AGBL4: variants seen among roughly 807,000 people sequenced by gnomAD.
AGBL4 encodes AGBL carboxypeptidase 4.
A neutral mutation model predicts 66.4 loss-of-function variants in AGBL4; 58 were observed. The ratio of observed to expected loss-of-function variants is 0.87; its 90% confidence interval spans 0.71 to 1.09. The LOEUF is 1.09. Among genes scored for constraint, AGBL4 ranks in the 50% least tolerant of loss-of-function variants. The pLI, the probability that AGBL4 is intolerant of heterozygous loss-of-function variation, is 0.00. For missense variants in AGBL4, 579 were observed against 631.0 expected (o/e 0.92, Z 0.88); for synonymous variants, 234 against 222.9 (o/e 1.05, Z -0.44).
chr1:49,984,685 C>T (rs1659353101), intron 1 of AGBL4, among the ~76,000 whole-genome samples: 1 of 152,184 alleles, frequency 6.6e-6, no homozygotes, highest in South Asian at 2.1e-4. Context: ...AAAGTCTCCT[C>T]TCCAAATTTA....
chr1:49,007,982 T>C (rs1662007923), intron 5 of AGBL4, among the ~76,000 whole-genome samples: 1 of 151,810 alleles, frequency 6.6e-6, no homozygotes, highest in African/African-American at 2.4e-5. Context: ...ACGAGCAAAA[T>C]AACCAGCTAA....
intron 1 of AGBL4, among the ~76,000 whole-genome samples, chr1:49,885,146 C>A (rs1437433917): frequency 6.6e-6 from 1 of 151,782 alleles, no homozygotes; most frequent in African/African-American, 2.4e-5. Flanking sequence ...ACCTCAGAAG[C>A]TAAAACACCT....
chr1:48,672,458 G>A (rs993604574), intron 6 of AGBL4, among the ~76,000 whole-genome samples: 2 of 152,218 alleles, frequency 1.3e-5, no homozygotes, highest in Non-Finnish European at 2.9e-5. Context: ...CACTCGAGGA[G>A]CCAACACAAC....
intron 6 of AGBL4, among the ~76,000 whole-genome samples, chr1:48,866,343 G>T (rs571425934): frequency 2.0e-5 from 3 of 152,124 alleles, no homozygotes; most frequent in Admixed American, 6.5e-5. Flanking sequence ...CAAACCTGCC[G>T]TATGACCACT....
At position 49,358,822 on chromosome 1, in the gene AGBL4, AAG is replaced by A. The variant is rs1644074601; in HGVS notation, c.283-112960_283-112959del. ...AATAGAGCTCTTAAAAATGAAGATG[AAG>A]AACCACATTTATTGACATGGAAAGA... On this transcript the variant is annotated intron_variant, in intron 3 of 13. Transcript: ENST00000371839. 9.2e-5 allele frequency among the ~76,000 whole-genome samples: 14 copies of A among 152,320 alleles called. No homozygotes were observed. The South Asian group carries it at 2.9e-3, about 32-fold the overall frequency.
intron 4 of AGBL4, among the ~76,000 whole-genome samples, chr1:49,105,554 G>A (rs1362481391): frequency 6.6e-6 from 1 of 152,118 alleles, no homozygotes; most frequent in Non-Finnish European, 1.5e-5. Context: ...TTATTCTTCA[G>A]GAAAAAATAT....
At chr1:49,593,138 G>T (rs1011193628) in intron 3 of AGBL4, among the ~76,000 whole-genome samples, 15 of 152,192 alleles carry the variant, frequency 9.9e-5, no homozygotes, top group Non-Finnish European at 1.5e-4. Flanking sequence ...GCTGGGCGCG[G>T]TGTCTCACGC....
intron 6 of AGBL4, among the ~76,000 whole-genome samples, chr1:48,792,940 T>TA (rs1276399814): frequency 6.6e-6 from 1 of 152,198 alleles, no homozygotes; most frequent in Non-Finnish European, 1.5e-5. Context: ...ACACTCCATA[T>TA]ATGTTCTCCT....
intron 4 of AGBL4, among the ~76,000 whole-genome samples, chr1:49,136,478 A>C (rs1004200781): frequency 1.3e-5 from 2 of 152,174 alleles, no homozygotes; most frequent in Non-Finnish European, 2.9e-5. Flanking sequence ...CATATTAAAT[A>C]ATTATATTTC....
intron 9 of AGBL4, among the ~76,000 whole-genome samples, chr1:48,616,535 A>G (rs1035332874): frequency 9.9e-5 from 15 of 152,238 alleles, no homozygotes; most frequent in Admixed American, 3.9e-4. Context: ...AACTCTATGT[A>G]TAAGGTTTAC....
At chr1:49,899,698 G>A (rs1003193709) in intron 1 of AGBL4, among the ~76,000 whole-genome samples, 2 of 152,100 alleles carry the variant, frequency 1.3e-5, no homozygotes, top group African/African-American at 2.4e-5. Flanking sequence ...GGGACTTACT[G>A]TGACTCCTGG....
At chr1:49,477,426 C>A (rs1048556811) in intron 3 of AGBL4, among the ~76,000 whole-genome samples, 4 of 152,096 alleles carry the variant, frequency 2.6e-5, no homozygotes, top group African/African-American at 9.7e-5. Context: ...AGAGTCTCTG[C>A]CTGGTAATCC....
chr1:49,543,584 G>C (rs897722111), intron 3 of AGBL4, among the ~76,000 whole-genome samples: 18 of 152,262 alleles, frequency 1.2e-4, no homozygotes, highest in Admixed American at 1.2e-3. Context: ...ATATCAGCAA[G>C]AGTGTTCTGA....
At chr1:48,747,458 C>A (rs899038973) in intron 6 of AGBL4, among the ~76,000 whole-genome samples, 2 of 152,216 alleles carry the variant, frequency 1.3e-5, no homozygotes, top group African/African-American at 2.4e-5. Context: ...GATCTAGGCT[C>A]TGCAAGAGGC....
chr1:49,273,243 C>T (rs1644097588), intron 3 of AGBL4, among the ~76,000 whole-genome samples: 1 of 151,994 alleles, frequency 6.6e-6, no homozygotes, highest in South Asian at 2.1e-4. Flanking sequence ...ATTAAAATTA[C>T]CCACTTCCTA....
At chr1:49,962,029 C>T (rs2148345229) in intron 1 of AGBL4, among the ~76,000 whole-genome samples, 1 of 152,214 alleles carries the variant, frequency 6.6e-6, no homozygotes, top group East Asian at 1.9e-4. Flanking sequence ...TGACTTTAGA[C>T]TAGATATTTG....
At chr1:49,620,402 T>G (rs539492312) in intron 3 of AGBL4, among the ~76,000 whole-genome samples, 1 of 151,990 alleles carries the variant, frequency 6.6e-6, no homozygotes, top group Non-Finnish European at 1.5e-5. Flanking sequence ...GAAATACATA[T>G]CAAAAGCACA....
intron 2 of AGBL4, among the ~76,000 whole-genome samples, chr1:49,757,967 C>T (rs1200681562): frequency 6.6e-6 from 1 of 152,106 alleles, no homozygotes; most frequent in African/African-American, 2.4e-5. Flanking sequence ...TCACAGCATC[C>T]CCTCCCTGTA....
intron 4 of AGBL4, among the ~76,000 whole-genome samples, chr1:49,096,978 A>G (rs1645117886): frequency 6.6e-6 from 1 of 152,178 alleles, no homozygotes; most frequent in Middle Eastern, 3.2e-3. Context: ...AATGAAAAGA[A>G]AAAAGACTCT....
Sources: allele counts gnomAD v4.1 joint callset (sites outside exome capture counted in the v4.1 genomes callset), GRCh38; gene constraint gnomAD v4.1.1; transcripts MANE v1.5; gene names NCBI Gene and HGNC (gene_info 2026-07-23, HGNC 2026-07-21).